Variants in LHFPL6 observed in about 807,000 individuals in gnomAD.
LHFPL6 encodes LHFPL tetraspan subfamily member 6.
Under a neutral mutation model 20.6 loss-of-function variants are expected in LHFPL6, and 9 were observed. The observed-to-expected ratio is 0.44, with a 90% CI of 0.26 to 0.76. LHFPL6 has a LOEUF of 0.76. Ranked by LOEUF, LHFPL6 falls within the 30% of genes least tolerant of loss-of-function variation. The probability of loss-of-function intolerance (pLI) is 0.20; values close to 1 mark genes in which losing one functional copy is unlikely to be tolerated. For synonymous variants in LHFPL6, 105 were observed against 98.7 expected (o/e 1.06, Z -0.38); for missense variants, 218 against 253.5 (o/e 0.86, Z 0.95).
intron 2 of LHFPL6, among the ~76,000 whole-genome samples, chr13:39,410,613 C>T (rs187202631): frequency 2.0e-5 from 3 of 152,044 alleles, no homozygotes; most frequent in East Asian, 3.9e-4. Context: ...TTTTGAGTAT[C>T]CAAAAAAAAT....
At chr13:39,574,985 C>T (rs1872066318) in intron 2 of LHFPL6, among the ~76,000 whole-genome samples, 1 of 152,048 alleles carries the variant, frequency 6.6e-6, no homozygotes. Flanking sequence ...GCATGAGAAT[C>T]ACTTGAATCT....
chr13:39,432,748 A>G (rs1871850011), intron 2 of LHFPL6, among the ~76,000 whole-genome samples: 1 of 152,186 alleles, frequency 6.6e-6, no homozygotes, highest in Non-Finnish European at 1.5e-5. Flanking sequence ...TGTAAGCCCC[A>G]CAAATTCAGA....
At chr13:39,541,680 C>T (rs1870804299) in intron 2 of LHFPL6, among the ~76,000 whole-genome samples, 2 of 152,288 alleles carry the variant, frequency 1.3e-5, no homozygotes, top group Admixed American at 6.5e-5. Flanking sequence ...TTCTATGTGT[C>T]TATTCCATCT....
At chr13:39,493,306 T>TA (rs201558669) in intron 2 of LHFPL6, among the ~76,000 whole-genome samples, 53,712 of 118,006 alleles carry the variant, frequency 0.46, 10,992 homozygotes, top group East Asian at 0.69. Flanking sequence ...CCATCTCTAC[T>TA]AAAAAAAAAA....
chr13:39,344,272 C>A (rs574644863), intron 3 of LHFPL6, among the ~76,000 whole-genome samples: 5 of 152,270 alleles, frequency 3.3e-5, no homozygotes, highest in African/African-American at 7.2e-5. Flanking sequence ...ACCTCTCACA[C>A]GGGCTAAGAG....
chr13:39,484,385 CTGT>C (rs762734212), intron 2 of LHFPL6, among the ~76,000 whole-genome samples: 5 of 152,062 alleles, frequency 3.3e-5, no homozygotes, highest in African/African-American at 4.8e-5. Flanking sequence ...TAGTTTGCTG[CTGT>C]TGTTAGAAAA....
At chr13:39,347,559 G>C (rs1869443839) in intron 3 of LHFPL6, among the ~76,000 whole-genome samples, 2 of 152,152 alleles carry the variant, frequency 1.3e-5, no homozygotes, top group Admixed American at 1.3e-4. Context: ...AACAGATTCT[G>C]AAAGATCACC....
chr13:39,475,656 A>G (rs531080621), intron 2 of LHFPL6, among the ~76,000 whole-genome samples: 1 of 152,272 alleles, frequency 6.6e-6, no homozygotes, highest in South Asian at 2.1e-4. Flanking sequence ...CAGCACCCAC[A>G]TTCTCATTAG....
chr13:39,497,782 T>C (rs868484519), intron 2 of LHFPL6, among the ~76,000 whole-genome samples: 1 of 152,334 alleles, frequency 6.6e-6, no homozygotes, highest in Middle Eastern at 3.4e-3. Flanking sequence ...CTCCTCTCTC[T>C]TTATACTGTT....
intron 2 of LHFPL6, among the ~76,000 whole-genome samples, chr13:39,435,580 C>CA (rs1555262359): frequency 6.6e-6 from 1 of 152,066 alleles, no homozygotes; most frequent in Non-Finnish European, 1.5e-5. Flanking sequence ...CAGAATTATG[C>CA]GTGAGTAAAT....
intron 2 of LHFPL6, among the ~76,000 whole-genome samples, chr13:39,552,578 G>A (rs1239815284): frequency 1.4e-4 from 22 of 152,176 alleles, no homozygotes; most frequent in Admixed American, 1.2e-3. Context: ...CACTGGATAG[G>A]CGTAATATTT....
chr13:39,539,857 T>G (rs1870741901), intron 2 of LHFPL6, among the ~76,000 whole-genome samples: 1 of 152,194 alleles, frequency 6.6e-6, no homozygotes, highest in African/African-American at 2.4e-5. Flanking sequence ...CTATTAAAAG[T>G]TTACCTATAA....
chr13:39,428,132 A>C (rs563894343), intron 2 of LHFPL6, among the ~76,000 whole-genome samples: 1 of 152,248 alleles, frequency 6.6e-6, no homozygotes, highest in Admixed American at 6.5e-5. Flanking sequence ...TAAATTACCC[A>C]GTCTCAGGTA....
chr13:39,477,101 C>T (rs7994448), intron 2 of LHFPL6, among the ~76,000 whole-genome samples: 294 of 152,316 alleles, frequency 1.9e-3, no homozygotes, highest in African/African-American at 6.6e-3. Flanking sequence ...GGTCTTCTCC[C>T]TGTGCCACAG....
chr13:39,457,360 A>AT (rs1872595140), intron 2 of LHFPL6, among the ~76,000 whole-genome samples: 2 of 152,226 alleles, frequency 1.3e-5, no homozygotes, highest in South Asian at 4.1e-4. Context: ...CAAATGGGCA[A>AT]TAAGTACATG....
intron 1 of LHFPL6, 108 bp downstream of exon 1, chr13:39,602,775 G>T (rs546528577): frequency 2.6e-5 from 4 of 152,512 alleles, no homozygotes; most frequent in African/African-American, 7.2e-5. Context: ...GCCGAGCTCA[G>T]GAAGTCCGGA....
At chr13:39,563,030 A>C (rs965750663) in intron 2 of LHFPL6, among the ~76,000 whole-genome samples, 2 of 149,834 alleles carry the variant, frequency 1.3e-5, no homozygotes, top group East Asian at 4.0e-4. Context: ...CAGTAGGAGT[A>C]ATAGTAATTT....
At chr13:39,405,979 TAA>T (rs1344561375) in intron 2 of LHFPL6, among the ~76,000 whole-genome samples, 4 of 152,188 alleles carry the variant, frequency 2.6e-5, no homozygotes, top group East Asian at 3.9e-4. Context: ...TGGGTAACAT[TAA>T]AAGAGTCCTC....
intron 2 of LHFPL6, among the ~76,000 whole-genome samples, chr13:39,461,078 A>T (rs1016390636): frequency 2.0e-5 from 3 of 152,150 alleles, no homozygotes; most frequent in African/African-American, 7.2e-5. Flanking sequence ...AGAGGGGAGA[A>T]CATGCAGTAT....
Sources: allele counts gnomAD v4.1 joint callset (sites outside exome capture counted in the v4.1 genomes callset), GRCh38; gene constraint gnomAD v4.1.1; transcripts MANE v1.5; gene names NCBI Gene and HGNC (gene_info 2026-07-23, HGNC 2026-07-21).